The following RSAD2 variants were observed in gnomAD, a reference collection of about 807,000 sequenced individuals.
RSAD2 encodes the protein S-adenosylmethionine-dependent nucleotide dehydratase RSAD2.
Under a neutral mutation model 37.7 loss-of-function variants are expected in RSAD2, and 38 were observed. That is an observed-to-expected ratio of 1.01 (90% CI 0.78 to 1.32). The LOEUF (loss-of-function observed/expected upper bound fraction) is 1.32, where lower values mean the gene tolerates loss of function less well. Among genes scored for constraint, RSAD2 ranks in the 40% most tolerant of loss-of-function variants. The pLI is 0.00. For missense variants in RSAD2, 428 were observed against 437.5 expected, an observed-to-expected ratio of 0.98 and a Z score of 0.19; for synonymous variants, 163 against 157.4, an observed-to-expected ratio of 1.04 and a Z score of -0.27.
Position 6,883,426 on chromosome 2 carries a change from A to G in RSAD2, c.402A>G (p.Glu134=). ...GGEPFLQDRG[E]YLGKLVRFCK... ...AGCCATTTCTTCAAGACCGGGGAGA[A>G]TACCTGGGCAAGTTGGTGAGGTTCT... The change falls in exon 2 of 6, where the codon GAA becomes GAG. Residue 134 remains glutamate, a synonymous_variant. Coordinates refer to ENST00000382040, the MANE Select transcript of RSAD2 (RefSeq NM_080657.5). 2 of 1,614,150 alleles carry G rather than the reference A, an allele frequency of 1.2e-6. No homozygotes were observed. Among genetic ancestry groups the G allele is most frequent in the Non-Finnish European group, 1.7e-6 (2 of 1,180,036 alleles).
chr2:6,881,951 C>G (rs776448955), intron 1 of RSAD2, among the ~76,000 whole-genome samples: 1 of 149,602 alleles, frequency 6.7e-6, no homozygotes, highest in Admixed American at 6.6e-5. Context: ...GGGTGTGTAA[C>G]GCATAGACCC....
chr2:6,878,953 G>C, intron 1 of RSAD2: 1 of 675,632 alleles, frequency 1.5e-6, no homozygotes, highest in Non-Finnish European at 2.3e-6. Context: ...ATTTCACAAA[G>C]CAATCACAGC....
chr2:6,872,401 T>G (rs760070035), intron 1 of RSAD2, among the ~76,000 whole-genome samples: 1 of 152,194 alleles, frequency 6.6e-6, no homozygotes, highest in Non-Finnish European at 1.5e-5. Context: ...ACGTGTATTC[T>G]TGGATTGTCG....
Position 6,896,665 on chromosome 2 carries a change from T to A in RSAD2, c.*723T>A, listed in dbSNP as rs1032018797. The A allele has an allele frequency of 4.6e-5, 7 of 152,132 alleles. No homozygotes were observed. The highest frequency in any genetic ancestry group is 7.3e-5 in the Non-Finnish European group (5 of 68,040). The allele number at this position is 152,132 out of a possible 1,614,324, so 9.4% of individuals were successfully genotyped here. A position where few individuals can be genotyped will look rare whatever the true frequency, so the allele number is the denominator to read the frequency against. On this transcript the variant is annotated 3_prime_UTR_variant, in exon 6 of 6. Coordinates refer to ENST00000382040, the MANE Select transcript of RSAD2 (RefSeq NM_080657.5). ...TTTTCAAGAAGTCTCTAGAAAGAGATAACACATGGAAAGACGGTGTGGTGC... is the reference window on the plus strand; with the variant it reads ...TTTTCAAGAAGTCTCTAGAAAGAGAAAACACATGGAAAGACGGTGTGGTGC...
At chr2:6,891,609 T>C (rs1663632174) in intron 4 of RSAD2, among the ~76,000 whole-genome samples, 1 of 151,600 alleles carries the variant, frequency 6.6e-6, no homozygotes, top group Non-Finnish European at 1.5e-5. Context: ...CTACTGAAAA[T>C]ACAAAAAATT....
chr2:6,889,055 G>C (rs987492822), intron 3 of RSAD2, among the ~76,000 whole-genome samples: 1 of 152,196 alleles, frequency 6.6e-6, no homozygotes, highest in East Asian at 1.9e-4. Context: ...TCCCCTTCCA[G>C]CTCCTACGGC....
intron 4 of RSAD2, among the ~76,000 whole-genome samples, chr2:6,891,660 G>A (rs200249785): frequency 6.6e-6 from 1 of 152,112 alleles, no homozygotes; most frequent in Admixed American, 6.5e-5. Context: ...CCAGCTACTC[G>A]AGAGGCTGAG....
intron 1 of RSAD2, chr2:6,878,868 CCTT>C (rs1165398210): frequency 1.6e-6 from 2 of 1,226,696 alleles, no homozygotes; most frequent in African/African-American, 3.1e-5. Context: ...TTCTTTCCCT[CCTT>C]GTTTAACTTT....
At chr2:6,878,190 G>A in intron 1 of RSAD2, 44 bp downstream of exon 1, 2 of 1,541,750 alleles carry the variant, frequency 1.3e-6, no homozygotes, top group Non-Finnish European at 1.8e-6. Context: ...CTCAACCACT[G>A]GGCAGTGGGG....
chr2:6,893,143 A>T (rs1371929256), intron 4 of RSAD2, among the ~76,000 whole-genome samples: 1 of 152,218 alleles, frequency 6.6e-6, no homozygotes, highest in Non-Finnish European at 1.5e-5. Context: ...TATAGAAGGA[A>T]TACCTTCCCA....
chr2:6,866,869 TTTAA>T (rs1383562518), intron 1 of RSAD2, among the ~76,000 whole-genome samples: 2 of 151,912 alleles, frequency 1.3e-5, no homozygotes, highest in Non-Finnish European at 2.9e-5. Flanking sequence ...TGGGATTATA[TTTAA>T]TTCTGAAAAA....
chr2:6,897,830 C>T lies in RSAD2; in HGVS notation c.*1888C>T, dbSNP rs1025079206. 2.6e-5 allele frequency: 4 copies of T among 152,040 alleles called. No individual in the cohort carries two copies. In the East Asian group the frequency reaches 7.7e-4, roughly 29 times the overall value. 9.4% of individuals were successfully genotyped at this position (152,040 alleles called of 1,614,324 possible). On this transcript the variant is annotated 3_prime_UTR_variant, in exon 6 of 6. Transcript: ENST00000382040. ...TGGCCAACATGGTGAAACCCCGTCT[C>T]CACTAAAAATACAAAAATTAGCCAG...
chr2:6,882,596 A>G (rs1005632644), intron 1 of RSAD2, among the ~76,000 whole-genome samples: 2 of 152,198 alleles, frequency 1.3e-5, no homozygotes, highest in Non-Finnish European at 2.9e-5. Context: ...GAATAAGCAA[A>G]TAGTAAAAGA....
upstream of RSAD2, among the ~76,000 whole-genome samples, chr2:6,874,169 G>A (rs568508125): frequency 9.8e-4 from 149 of 152,158 alleles, no homozygotes; most frequent in Non-Finnish European, 1.9e-3. Flanking sequence ...CTCTGGACAT[G>A]CGAGACATCT....
intron 1 of RSAD2, among the ~76,000 whole-genome samples, chr2:6,880,959 G>A (rs905789929): frequency 1.3e-5 from 2 of 152,008 alleles, no homozygotes; most frequent in Non-Finnish European, 2.9e-5. Flanking sequence ...AAAATAATGA[G>A]CATCAGATCT....
intron 3 of RSAD2, among the ~76,000 whole-genome samples, chr2:6,888,348 A>C (rs1248825499): frequency 1.3e-5 from 2 of 152,232 alleles, no homozygotes; most frequent in Non-Finnish European, 2.9e-5. Flanking sequence ...AAGGATATGA[A>C]TTATCAGCCA....
chr2:6,869,708 T>C (rs560669093), intron 1 of RSAD2, among the ~76,000 whole-genome samples: 1 of 152,328 alleles, frequency 6.6e-6, no homozygotes, highest in African/African-American at 2.4e-5. Context: ...CTTAATATCA[T>C]TGGTCATAAG....
chr2:6,877,997 C>T lies in RSAD2; in HGVS notation c.197C>T (p.Pro66Leu), dbSNP rs1265559561. 6.2e-7 allele frequency: 1 copy of T among 1,614,032 alleles called. No homozygotes were observed. Among genetic ancestry groups the T allele is most frequent in the African/African-American group, 1.3e-5 (1 of 74,928 alleles). Residue 66 changes from proline (P) to leucine (L), a missense_variant, in exon 1 of 6, where the codon CCT becomes CTT. Coordinates refer to ENST00000382040, the MANE Select transcript of RSAD2 (RefSeq NM_080657.5). ...PDETKEEEED[P>L]PLPTTPTSVN... is the part of the protein sequence containing the mutation. Reference sequence around the variant, plus strand: ...GAGACCAAAGAGGAGGAAGAGGACCCTCCTCTGCCCACCACCCCAACCAGC... The same window carrying T: ...GAGACCAAAGAGGAGGAAGAGGACCTTCCTCTGCCCACCACCCCAACCAGC...
At chr2:6,865,983 C>T (rs1572147865) in exon 1 of RSAD2, 3 of 898,590 alleles carry the variant, frequency 3.3e-6, no homozygotes, top group Non-Finnish European at 4.5e-6. Flanking sequence ...CGGGCCTGCG[C>T]GGTCCCCAGG....
Sources: gnomAD v4.1 joint callset for allele counts (sites outside exome capture counted in the v4.1 genomes callset) on GRCh38, gnomAD v4.1.1 for gene constraint, MANE v1.5 for transcripts, NCBI Gene and HGNC (gene_info 2026-07-23, HGNC 2026-07-21) for gene names.